Variants in DLGAP2 observed in about 807,000 individuals in gnomAD.
DLGAP2 encodes the protein DLG associated protein 2.
A neutral mutation model predicts 100.3 loss-of-function variants in DLGAP2; 26 were observed. That is an observed-to-expected ratio of 0.26 (90% CI 0.19 to 0.36). DLGAP2 has a LOEUF of 0.36. Ranked by LOEUF, DLGAP2 falls within the 10% of genes least tolerant of loss-of-function variation. The probability of loss-of-function intolerance (pLI) is 1.00; values close to 1 mark genes in which losing one functional copy is unlikely to be tolerated. For synonymous variants in DLGAP2, 886 were observed against 630.1 expected (o/e 1.41, Z -6.08); for missense variants, 1,858 against 1,453.2 (o/e 1.28, Z -4.53).
chr8:838,057 CA>C (rs1364629885), intron 1 of DLGAP2, among the ~76,000 whole-genome samples: 1 of 152,028 alleles, frequency 6.6e-6, no homozygotes, highest in Non-Finnish European at 1.5e-5. Flanking sequence ...ATTTGGTAAA[CA>C]AATGTTAAAT....
At chr8:1,391,169 G>T (rs1367273542) in intron 3 of DLGAP2, among the ~76,000 whole-genome samples, 1 of 152,230 alleles carries the variant, frequency 6.6e-6, no homozygotes, top group South Asian at 2.1e-4. Flanking sequence ...GGCTAGATGG[G>T]AATTGGAAAG....
At chr8:946,890 C>G (rs913934275) in intron 2 of DLGAP2, among the ~76,000 whole-genome samples, 1 of 152,230 alleles carries the variant, frequency 6.6e-6, no homozygotes, top group Non-Finnish European at 1.5e-5. Flanking sequence ...GTAGCACAGT[C>G]TGTGCATAAA....
At chr8:1,502,893 G>A (rs1487461281) in intron 4 of DLGAP2, among the ~76,000 whole-genome samples, 1 of 152,152 alleles carries the variant, frequency 6.6e-6, no homozygotes, top group Non-Finnish European at 1.5e-5. Context: ...AGGTACCTGG[G>A]GTGGTTCTGC....
At chr8:1,558,947 C>A (rs143675790) in intron 5 of DLGAP2, among the ~76,000 whole-genome samples, 1 of 152,116 alleles carries the variant, frequency 6.6e-6, no homozygotes, top group African/African-American at 2.4e-5. Flanking sequence ...CAGCAATGGA[C>A]GATAATGTTT....
intron 2 of DLGAP2, among the ~76,000 whole-genome samples, chr8:1,242,580 C>T (rs968979431): frequency 6.6e-6 from 1 of 152,238 alleles, no homozygotes; most frequent in African/African-American, 2.4e-5. Context: ...AGGAGGCCCA[C>T]CCTCGCCTGA....
chr8:1,188,829 T>A (rs1026713216), intron 2 of DLGAP2, among the ~76,000 whole-genome samples: 1 of 152,230 alleles, frequency 6.6e-6, no homozygotes. Context: ...GATGTGCCTT[T>A]TTTTAGGAAA....
intron 8 of DLGAP2, among the ~76,000 whole-genome samples, chr8:1,664,454 G>A (rs765149016): frequency 1.4e-4 from 21 of 152,086 alleles, no homozygotes; most frequent in Non-Finnish European, 1.8e-4. Context: ...TTCTCAGGAC[G>A]GCCTTTTCAG....
At chr8:880,111 G>C (rs1308985471) in intron 1 of DLGAP2, among the ~76,000 whole-genome samples, 2 of 152,256 alleles carry the variant, frequency 1.3e-5, no homozygotes, top group South Asian at 4.1e-4. Context: ...TGAGAGGGGT[G>C]AGGGGAAGTT....
chr8:1,353,660 A>G (rs1376729416), intron 3 of DLGAP2, among the ~76,000 whole-genome samples: 1 of 152,214 alleles, frequency 6.6e-6, no homozygotes, highest in African/African-American at 2.4e-5. Context: ...AATAGAGGCA[A>G]ATCTTAGATT....
At chr8:1,264,734 A>T (rs1430772677) in intron 3 of DLGAP2, among the ~76,000 whole-genome samples, 1 of 152,176 alleles carries the variant, frequency 6.6e-6, no homozygotes, top group Non-Finnish European at 1.5e-5. Context: ...TAACCCATAT[A>T]AAGAAACTTT....
chr8:1,544,904 T>G (rs1801482932), intron 4 of DLGAP2, among the ~76,000 whole-genome samples: 1 of 152,054 alleles, frequency 6.6e-6, no homozygotes, highest in Non-Finnish European at 1.5e-5. Context: ...AGCTTATGTT[T>G]GTATTTTTAG....
At chr8:1,481,855 C>T (rs965249737) in intron 3 of DLGAP2, among the ~76,000 whole-genome samples, 1 of 152,190 alleles carries the variant, frequency 6.6e-6, no homozygotes, top group Admixed American at 6.5e-5. Context: ...GCCCAGAAAA[C>T]TAAACTCATG....
chr8:1,048,750 C>G (rs1361569714), intron 2 of DLGAP2, among the ~76,000 whole-genome samples: 1 of 152,016 alleles, frequency 6.6e-6, no homozygotes, highest in African/African-American at 2.4e-5. Context: ...CCTGTCCCCA[C>G]ATCTGCCGCC....
At chr8:1,557,724 C>T (rs148798939) in intron 5 of DLGAP2, among the ~76,000 whole-genome samples, 10 of 152,292 alleles carry the variant, frequency 6.6e-5, no homozygotes, top group South Asian at 2.1e-4. Flanking sequence ...CTCCTGGGCA[C>T]GCAGACGCCG....
At chr8:1,485,009 G>A (rs1799201410) in intron 3 of DLGAP2, among the ~76,000 whole-genome samples, 1 of 152,104 alleles carries the variant, frequency 6.6e-6, no homozygotes, top group Admixed American at 6.5e-5. Flanking sequence ...AATAATAACT[G>A]CAATGAGGAT....
intron 2 of DLGAP2, among the ~76,000 whole-genome samples, chr8:1,156,495 C>A (rs1003610158): frequency 6.6e-6 from 1 of 152,202 alleles, no homozygotes; most frequent in Non-Finnish European, 1.5e-5. Flanking sequence ...GTGGCACAAC[C>A]CGTCACACAA....
Position 859,934 on chromosome 8 carries a change from T to C in DLGAP2, c.19-47978T>C, listed in dbSNP as rs547705254. ...TGGGCTTCCCGTAACATTTCCAGTA[T>C]TGAGGTGTTGCTGTTGCTGTTGTTT... On this transcript the variant is annotated intron_variant, in intron 1 of 14. Coordinates refer to ENST00000637795, the MANE Select transcript of DLGAP2 (RefSeq NM_001346810.2). 4.6e-5 allele frequency among the ~76,000 whole-genome samples: 7 copies of C among 152,244 alleles called. 1 individual carries two copies. The South Asian group carries it at 1.2e-3, about 27-fold the overall frequency.
intron 3 of DLGAP2, among the ~76,000 whole-genome samples, chr8:1,317,592 A>G (rs1236466663): frequency 1.4e-5 from 2 of 140,780 alleles, no homozygotes; most frequent in Admixed American, 7.0e-5. Flanking sequence ...GTTTAAAAAT[A>G]CAGGCTGTGC....
intron 2 of DLGAP2, among the ~76,000 whole-genome samples, chr8:1,188,389 C>T (rs1352181590): frequency 6.0e-5 from 8 of 132,804 alleles, no homozygotes; most frequent in African/African-American, 2.9e-4. Context: ...CTCACACACC[C>T]GGGACCTCCA....
Sources: gnomAD v4.1 joint callset for allele counts (sites outside exome capture counted in the v4.1 genomes callset) on GRCh38, gnomAD v4.1.1 for gene constraint, MANE v1.5 for transcripts, NCBI Gene and HGNC (gene_info 2026-07-23, HGNC 2026-07-21) for gene names.